Variants in TMEM63A observed in about 807,000 individuals in gnomAD.
TMEM63A encodes the protein transmembrane protein 63A.
A neutral mutation model predicts 100.6 loss-of-function variants in TMEM63A; 76 were observed. The ratio of observed to expected loss-of-function variants is 0.76; its 90% CI spans 0.63 to 0.91. The LOEUF is 0.91. TMEM63A is among the 40% of genes least tolerant of loss of function. TMEM63A has a pLI of 0.00. For synonymous variants in TMEM63A, 401 were observed against 401.1 expected (o/e 1.00, Z 0.00); for missense variants, 876 against 1,008.8 (o/e 0.87, Z 1.78).
Position 225,861,124 on chromosome 1 carries a change from A to G in TMEM63A, c.1086-127T>C. ...ACCTTTGCTTTGTTGTGATTAGTGTATTATGAGTAACGCTATGTAAGAGGT... is the reference window on the plus strand; with the variant it reads ...ACCTTTGCTTTGTTGTGATTAGTGTGTTATGAGTAACGCTATGTAAGAGGT... On this transcript the variant is annotated intron_variant, in intron 13 of 24. Transcript: ENST00000366835. The G allele has an allele frequency of 2.7e-6, 3 of 1,110,280 alleles. No homozygotes were observed. In the East Asian group the frequency reaches 7.8e-5, roughly 29 times the overall value. The allele number at this position is 1,110,280 out of a possible 1,614,324, so 68.8% of individuals were successfully genotyped here.
downstream of TMEM63A, among the ~76,000 whole-genome samples, chr1:225,841,473 G>A (rs561591159): frequency 6.6e-5 from 10 of 151,050 alleles, no homozygotes; most frequent in East Asian, 2.0e-4. Flanking sequence ...TAGTAGAGAC[G>A]GGGTTTTACC....
intron 20 of TMEM63A, among the ~76,000 whole-genome samples, chr1:225,850,678 T>C (rs926780070): frequency 1.3e-5 from 2 of 152,180 alleles, no homozygotes; most frequent in Non-Finnish European, 2.9e-5. Context: ...CAGAGCCCCT[T>C]AGCCGCACTG....
intron 2 of TMEM63A, 166 bp from the exon 3 acceptor site, chr1:225,877,760 T>A: frequency 1.7e-6 from 1 of 605,882 alleles, no homozygotes; most frequent in Non-Finnish European, 2.8e-6. Flanking sequence ...TCTGCGTGCC[T>A]GGCAGTGTCC....
rs1328689800 is a variant in TMEM63A at position 225,846,961 on chromosome 1, T to G, written c.*7-29A>C. The stretch of plus-strand genomic sequence containing the variant: ...AAACAGATGGGAAGAAGTCATGAAC[T>G]TGGGAGTCAGGCCGCTTCACCTGTC... On this transcript the variant is annotated intron_variant, in intron 24 of 24. Transcript: ENST00000366835. 2.7e-6 allele frequency: 4 copies of G among 1,482,634 alleles called. No individual in the cohort carries two copies. The African/African-American group carries it at 5.6e-5, about 21-fold the overall frequency. 91.8% of individuals were successfully genotyped at this position (1,482,634 alleles called of 1,614,324 possible).
At position 225,867,047 on chromosome 1, in the gene TMEM63A, G is replaced by A. The variant is rs987210512; in HGVS notation, c.566+65C>T. 7.6e-6 allele frequency: 12 copies of A among 1,571,510 alleles called. No individual in the cohort carries two copies. The highest frequency in any genetic ancestry group is 2.2e-5 in the South Asian group (2 of 90,198). On this transcript the variant is annotated intron_variant, in intron 8 of 24. Transcript: ENST00000366835. This position sits in a 1 kb window ranked among gnomAD's most constrained non-coding sequence, Gnocchi z 4.6. ...TTGGAGTACCTCTGGCCTGCCCCGG[G>A]CTCCTGACCTGCCTTCTCCTTGATC...
At chr1:225,844,822 C>T (rs771292659), downstream of TMEM63A, among the ~76,000 whole-genome samples, 9 of 152,140 alleles carry the variant, frequency 5.9e-5, no homozygotes, top group Non-Finnish European at 1.3e-4. Flanking sequence ...GCCTGGCTCC[C>T]GGGCGGCCCT....
intron 17 of TMEM63A, 78 bp from the exon 18 acceptor site, chr1:225,856,018 G>A: frequency 6.7e-7 from 1 of 1,494,166 alleles, no homozygotes; most frequent in Non-Finnish European, 9.2e-7. Flanking sequence ...ATTTTCTTTT[G>A]CTCTAAAAAC....
Position 225,846,010 on chromosome 1 carries a change from C to CTTAAG in TMEM63A, c.*924_*928dup, listed in dbSNP as rs1343137670. ...GGGAGGAGGCTTCTCAGGCAGAAGTCTTAAGTTGCATCCCATTCCCCAGAA... is the reference window on the plus strand; with the variant it reads ...GGGAGGAGGCTTCTCAGGCAGAAGTCTTAAGTTAAGTTGCATCCCATTCCCCAGAA... On this transcript the variant is annotated 3_prime_UTR_variant, in exon 25 of 25. Coordinates refer to ENST00000366835, the MANE Select transcript of TMEM63A (RefSeq NM_014698.3). 5 of 156,082 alleles carry CTTAAG rather than the reference C, an allele frequency of 3.2e-5. No individual in the cohort carries two copies. The highest frequency in any genetic ancestry group is 7.1e-5 in the Non-Finnish European group (5 of 70,582). 9.7% of individuals were successfully genotyped at this position (156,082 alleles called of 1,614,324 possible). A position where few individuals can be genotyped will look rare whatever the true frequency, so the allele number is the denominator to read the frequency against.
At chr1:225,850,118 G>A in intron 20 of TMEM63A, 39 bp from the exon 21 acceptor site, 1 of 1,609,116 alleles carries the variant, frequency 6.2e-7, no homozygotes, top group Non-Finnish European at 8.5e-7. Flanking sequence ...ACCTCGCAGG[G>A]CCACACAGAC....
downstream of TMEM63A, chr1:225,844,549 AG>A: frequency 1.2e-6 from 2 of 1,614,184 alleles, no homozygotes; most frequent in Non-Finnish European, 1.7e-6. Flanking sequence ...ACTGGACAAC[AG>A]GCACCATCAT....
chr1:225,871,807 C>T (rs1670519035), intron 5 of TMEM63A, 180 bp downstream of exon 5: 7 of 586,260 alleles, frequency 1.2e-5, no homozygotes, highest in East Asian at 2.9e-5. Flanking sequence ...GTCTCAAGGT[C>T]CCGGGTCATC....
intron 15 of TMEM63A, among the ~76,000 whole-genome samples, chr1:225,857,389 G>T (rs199930629): frequency 4.8e-4 from 64 of 133,780 alleles, no homozygotes; most frequent in East Asian, 1.1e-3. Flanking sequence ...CGGGGCGGGG[G>T]GGGGGGGGTG....
At chr1:225,855,747 C>T in intron 18 of TMEM63A, 131 bp downstream of exon 18, 1 of 873,056 alleles carries the variant, frequency 1.1e-6, no homozygotes, top group South Asian at 1.8e-5. Flanking sequence ...CCAAGCCCTG[C>T]TGTCTGGGGA....
At chr1:225,868,338 C>T (rs1670323206) in intron 6 of TMEM63A, among the ~76,000 whole-genome samples, 1 of 152,096 alleles carries the variant, frequency 6.6e-6, no homozygotes, top group South Asian at 2.1e-4. Context: ...TACGTAAATA[C>T]AGTCATCTCA....
intron 15 of TMEM63A, among the ~76,000 whole-genome samples, chr1:225,857,385 G>GCGGGGGGGGGGGGGCGGC (rs1669685262): frequency 7.8e-4 from 2 of 2,552 alleles, no homozygotes; most frequent in Admixed American, 0.013. Flanking sequence ...CCGGCGGGGC[G>GCGGGGGGGGGGGGGCGGC]GGGGGGGGGG....
intron 4 of TMEM63A, among the ~76,000 whole-genome samples, chr1:225,872,818 C>T (rs1279334061): frequency 6.6e-6 from 1 of 151,436 alleles, no homozygotes; most frequent in African/African-American, 2.4e-5. Context: ...CTCAGTCTCC[C>T]GAGTAGCTGG....
chr1:225,866,519 C>A, intron 9 of TMEM63A, 55 bp downstream of exon 9: 15 of 1,537,722 alleles, frequency 9.8e-6, no homozygotes, highest in Non-Finnish European at 1.3e-5. Context: ...CCCTTCCACT[C>A]CGACTCCCAC....
chr1:225,865,400 A>T lies in TMEM63A; in HGVS notation c.746+497T>A, dbSNP rs1395923058. The T allele has an allele frequency of 6.5e-6, 1 of 153,130 alleles. No individual in the cohort carries two copies. Among genetic ancestry groups the T allele is most frequent in the Non-Finnish European group, 1.5e-5 (1 of 68,584 alleles). 9.5% of individuals were successfully genotyped at this position (153,130 alleles called of 1,614,324 possible). On this transcript the variant is annotated intron_variant, in intron 10 of 24. Transcript: ENST00000366835. This position sits in a 1 kb window ranked among gnomAD's most constrained non-coding sequence, Gnocchi z 4.6. The stretch of plus-strand genomic sequence containing the variant: ...GAGCCGCTGGAAAGGAGGTTCTACC[A>T]GGGAGAGCCTGGACTCAGACACAGT...
At chr1:225,874,974 T>G (rs1034567386) in intron 3 of TMEM63A, among the ~76,000 whole-genome samples, 2 of 152,304 alleles carry the variant, frequency 1.3e-5, no homozygotes, top group South Asian at 4.1e-4. Context: ...CCTCAGGTGA[T>G]CCACCTGCCT....
Sources: gnomAD v4.1 joint callset for allele counts (sites outside exome capture counted in the v4.1 genomes callset) on GRCh38, gnomAD v4.1.1 for gene constraint, Gnocchi (gnomAD v3.1) non-coding constraint, MANE v1.5 for transcripts, NCBI Gene and HGNC (gene_info 2026-07-23, HGNC 2026-07-21) for gene names.